Variants in RFX3 observed in about 807,000 individuals in gnomAD.
RFX3 encodes the protein regulatory factor X3, also known as transcription factor RFX3.
Under a neutral mutation model 98.6 loss-of-function variants are expected in RFX3, and 14 were observed. The observed-to-expected ratio is 0.14, with a 90% CI of 0.09 to 0.22. RFX3 has a LOEUF of 0.22. Ranked by LOEUF, RFX3 falls within the 10% of genes least tolerant of loss-of-function variation. The pLI, the probability that RFX3 is intolerant of heterozygous loss-of-function variation, is 1.00. For synonymous variants in RFX3, 383 were observed against 328.4 expected (o/e 1.17, Z -1.80); for missense variants, 639 against 926.9 (o/e 0.69, Z 4.03).
intron 2 of RFX3, among the ~76,000 whole-genome samples, chr9:3,363,249 T>C (rs1220065359): frequency 6.6e-6 from 1 of 152,204 alleles, no homozygotes; most frequent in Non-Finnish European, 1.5e-5. Context: ...CTAGTCTTTC[T>C]AATAATAAAT....
At chr9:3,322,838 C>G (rs1831466833) in intron 4 of RFX3, among the ~76,000 whole-genome samples, 1 of 152,188 alleles carries the variant, frequency 6.6e-6, no homozygotes, top group Admixed American at 6.5e-5. Context: ...ATCACATCAT[C>G]TACAAGTTCT....
chr9:3,314,299 A>T (rs1470092416), intron 4 of RFX3, among the ~76,000 whole-genome samples: 1 of 152,168 alleles, frequency 6.6e-6, no homozygotes, highest in East Asian at 1.9e-4. Flanking sequence ...GAGAAAAAAA[A>T]TCCATTACAG....
intron 15 of RFX3, 49 bp downstream of exon 15, chr9:3,247,983 G>C (rs750661961): frequency 1.9e-6 from 3 of 1,613,878 alleles, no homozygotes; most frequent in East Asian, 2.2e-5. Context: ...TGTAATTCTG[G>C]CTTATTTTTA....
At chr9:3,292,966 G>A in intron 6 of RFX3, 111 bp downstream of exon 6, 1 of 804,160 alleles carries the variant, frequency 1.2e-6, no homozygotes. Flanking sequence ...CTCATTCTAT[G>A]TATTTCCTTA....
intron 2 of RFX3, among the ~76,000 whole-genome samples, chr9:3,357,456 G>C (rs1022593111): frequency 6.6e-6 from 1 of 151,748 alleles, no homozygotes; most frequent in African/African-American, 2.4e-5. Flanking sequence ...AATTACAAGA[G>C]AAATTAGAAC....
chr9:3,444,309 C>A (rs1025604067), intron 1 of RFX3, among the ~76,000 whole-genome samples: 1 of 152,022 alleles, frequency 6.6e-6, no homozygotes, highest in Non-Finnish European at 1.5e-5. Context: ...AGAAGCCACA[C>A]AGAAAGAATG....
intron 1 of RFX3, among the ~76,000 whole-genome samples, chr9:3,498,366 T>C (rs1851260010): frequency 6.6e-6 from 1 of 152,076 alleles, no homozygotes; most frequent in Non-Finnish European, 1.5e-5. Context: ...CTTAGATAAA[T>C]TTTAAGTTTA....
chr9:3,382,980 T>A (rs2131731677), intron 2 of RFX3, among the ~76,000 whole-genome samples: 1 of 152,304 alleles, frequency 6.6e-6, no homozygotes, highest in South Asian at 2.1e-4. Flanking sequence ...TATAATTTAT[T>A]AGTAGCTCAT....
rs1441705546 is a variant in RFX3 at position 3,419,903 on chromosome 9, C to A, written c.-8-24307G>T. ...ATTGGTTGAATCTGCAGATGCAGAACTGGCTCACATGGAAGGCAAACCGTA... is the reference window on the plus strand; with the variant it reads ...ATTGGTTGAATCTGCAGATGCAGAAATGGCTCACATGGAAGGCAAACCGTA... On this transcript the variant is annotated intron_variant, in intron 1 of 16. Coordinates refer to ENST00000617270, the MANE Select transcript of RFX3 (RefSeq NM_001282116.2). 5.3e-5 allele frequency among the ~76,000 whole-genome samples: 8 copies of A among 152,178 alleles called. 1 individual carries two copies. The highest frequency in any genetic ancestry group is 2.1e-4 in the South Asian group (1 of 4,832).
At chr9:3,504,935 A>ATATATAATATAACATATATT (rs1564185846) in intron 1 of RFX3, among the ~76,000 whole-genome samples, 1 of 63,926 alleles carries the variant, frequency 1.6e-5, no homozygotes, top group Non-Finnish European at 2.5e-5. Flanking sequence ...TATTATATAT[A>ATATATAATATAACATATATT]ATATATATAA....
At chr9:3,524,902 T>C (rs1819091214) in intron 1 of RFX3, among the ~76,000 whole-genome samples, 1 of 137,870 alleles carries the variant, frequency 7.3e-6, no homozygotes, top group African/African-American at 2.7e-5. Context: ...GGAGACAGAC[T>C]TTAAAAAAGA....
chr9:3,514,511 C>T (rs1172764888), intron 1 of RFX3, among the ~76,000 whole-genome samples: 2 of 151,944 alleles, frequency 1.3e-5, no homozygotes, highest in Non-Finnish European at 2.9e-5. Flanking sequence ...GCCCAGGCTC[C>T]GGGTTGTCTA....
intron 2 of RFX3, among the ~76,000 whole-genome samples, chr9:3,350,297 AG>A (rs1428251655): frequency 6.6e-6 from 1 of 152,176 alleles, no homozygotes; most frequent in Non-Finnish European, 1.5e-5. Flanking sequence ...TGATTTTAAA[AG>A]GGCCAAAGAC....
At chr9:3,299,191 C>G (rs1365802363) in intron 5 of RFX3, among the ~76,000 whole-genome samples, 2 of 151,658 alleles carry the variant, frequency 1.3e-5, no homozygotes, top group African/African-American at 4.8e-5. Flanking sequence ...TGAAAAAATT[C>G]TACACAACAT....
chr9:3,243,818 A>G (rs569578037), intron 15 of RFX3, among the ~76,000 whole-genome samples: 1 of 152,284 alleles, frequency 6.6e-6, no homozygotes, highest in South Asian at 2.1e-4. Context: ...TTTGCCCTTG[A>G]AATTGTTCCT....
intron 2 of RFX3, among the ~76,000 whole-genome samples, chr9:3,359,020 T>TA (rs1836103539): frequency 6.6e-6 from 1 of 151,566 alleles, no homozygotes; most frequent in Non-Finnish European, 1.5e-5. Context: ...GAGATTTGAG[T>TA]AGGGACACAG....
At chr9:3,350,817 T>C (rs942179334) in intron 2 of RFX3, among the ~76,000 whole-genome samples, 1 of 152,116 alleles carries the variant, frequency 6.6e-6, no homozygotes, top group South Asian at 2.1e-4. Flanking sequence ...TGAATGCGTA[T>C]GACCAAGTGA....
chr9:3,397,801 A>G (rs780772924), intron 1 of RFX3, among the ~76,000 whole-genome samples: 1 of 152,226 alleles, frequency 6.6e-6, no homozygotes, highest in Non-Finnish European at 1.5e-5. Flanking sequence ...TGTTCAACAC[A>G]CGCTAAGAAT....
intron 1 of RFX3, among the ~76,000 whole-genome samples, chr9:3,516,700 C>T (rs1818207113): frequency 6.6e-6 from 1 of 152,134 alleles, no homozygotes; most frequent in South Asian, 2.1e-4. Context: ...GATCAGAGAG[C>T]ACACATGCAC....
Sources: allele counts gnomAD v4.1 joint callset (sites outside exome capture counted in the v4.1 genomes callset), GRCh38; gene constraint gnomAD v4.1.1; transcripts MANE v1.5; gene names NCBI Gene and HGNC (gene_info 2026-07-23, HGNC 2026-07-21).